DIS3L2: variants seen among roughly 807,000 people sequenced by gnomAD.
The protein encoded by DIS3L2 is DIS3 like 3'-5' exoribonuclease 2, also known as DIS3-like exonuclease 2.
Under a neutral mutation model 97.5 loss-of-function variants are expected in DIS3L2, and 34 were observed. The ratio of observed to expected loss-of-function variants is 0.35; its 90% CI spans 0.27 to 0.46. The LOEUF (loss-of-function observed/expected upper bound fraction) is 0.46. Among genes scored for constraint, DIS3L2 ranks in the 20% least tolerant of loss-of-function variants. The probability of loss-of-function intolerance (pLI) is 1.00; values close to 1 mark genes in which losing one functional copy is unlikely to be tolerated. For synonymous variants in DIS3L2, 435 were observed against 445.2 expected (o/e 0.98, Z 0.29); for missense variants, 1,038 against 1,146.0 (o/e 0.91, Z 1.36).
chr2:232,188,771 TAAGAA>T (rs979370131), intron 9 of DIS3L2, among the ~76,000 whole-genome samples: 23 of 152,168 alleles, frequency 1.5e-4, no homozygotes, highest in Admixed American at 1.0e-3. Flanking sequence ...AAGATGCTGT[TAAGAA>T]AAGAAAAAGA....
At chr2:231,981,601 TATATA>T (rs1559512394) in intron 1 of DIS3L2, among the ~76,000 whole-genome samples, 36 of 69,148 alleles carry the variant, frequency 5.2e-4, no homozygotes, top group Middle Eastern at 6.6e-3. Context: ...AAGTATTTTA[TATATA>T]TATATATATA....
intron 13 of DIS3L2, among the ~76,000 whole-genome samples, chr2:232,342,270 T>TACATATATACACATATATGCATATATAC (rs1442292066): frequency 0.011 from 1,626 of 151,536 alleles, 23 homozygotes; most frequent in Middle Eastern, 0.017. Flanking sequence ...CATACACATA[T>TACATATATACACATATATGCATATATAC]ACATATATAC....
At chr2:232,187,097 A>G (rs888495324) in intron 9 of DIS3L2, among the ~76,000 whole-genome samples, 1 of 152,192 alleles carries the variant, frequency 6.6e-6, no homozygotes, top group Admixed American at 6.5e-5. Flanking sequence ...AAAAAAGACA[A>G]TTTTAAAATG....
intron 10 of DIS3L2, among the ~76,000 whole-genome samples, chr2:232,213,669 T>G (rs1574949734): frequency 6.6e-6 from 1 of 150,472 alleles, no homozygotes; most frequent in Non-Finnish European, 1.5e-5. Context: ...TAGTTTTTTT[T>G]TTTTTTTTTT....
chr2:232,086,265 ACG>A (rs1696587045), intron 5 of DIS3L2, among the ~76,000 whole-genome samples: 1 of 150,988 alleles, frequency 6.6e-6, no homozygotes, highest in African/African-American at 2.4e-5. Flanking sequence ...AGACGTGTAT[ACG>A]TGTATATACA....
chr2:232,083,787 G>A (rs1034945398), intron 5 of DIS3L2, among the ~76,000 whole-genome samples: 4 of 152,208 alleles, frequency 2.6e-5, no homozygotes, highest in Admixed American at 6.5e-5. Flanking sequence ...GAGCCACCAC[G>A]CCAGGCCCAT....
intron 9 of DIS3L2, among the ~76,000 whole-genome samples, chr2:232,189,091 T>G (rs1166977792): frequency 1.3e-5 from 2 of 152,136 alleles, no homozygotes; most frequent in African/African-American, 4.8e-5. Context: ...CAATACCAAG[T>G]GCTGGCGAGG....
At chr2:232,333,185 T>TGTCG (rs1695808095) in intron 16 of DIS3L2, among the ~76,000 whole-genome samples, 3 of 7,552 alleles carry the variant, frequency 4.0e-4, no homozygotes, top group African/African-American at 1.1e-3. Flanking sequence ...CGCCTCCTCC[T>TGTCG]CCTCCTCCTC....
chr2:232,140,838 G>A (rs989110786), intron 8 of DIS3L2, among the ~76,000 whole-genome samples: 1 of 152,154 alleles, frequency 6.6e-6, no homozygotes, highest in Non-Finnish European at 1.5e-5. Context: ...TCTTAGAATT[G>A]TCATGAGAGA....
Position 232,201,582 on chromosome 2 carries a change from G to A in DIS3L2, c.1125-8744G>A, listed in dbSNP as rs563626031. Among the ~76,000 whole-genome samples, 7 of 152,324 alleles carry A rather than the reference G, an allele frequency of 4.6e-5. No individual in the cohort carries two copies. In the South Asian group the frequency reaches 6.2e-4, roughly 14 times the overall value. ...CTTTGATTAGATCCTGGATCAGGAG[G>A]AAAACTAAAAGCAAAAGAGACTTTT... On this transcript the variant is annotated intron_variant, in intron 9 of 20. Transcript: ENST00000325385.
rs557687016 is a variant in DIS3L2, at chr2:232,055,319, C to A, written c.366+25239C>A. Among the ~76,000 whole-genome samples the A allele has an allele frequency of 1.8e-4, 27 of 152,248 alleles. 1 individual carries two copies. In the South Asian group the frequency reaches 5.6e-3, roughly 32 times the overall value. On this transcript the variant is annotated intron_variant, in intron 5 of 20. Coordinates refer to ENST00000325385, the MANE Select transcript of DIS3L2 (RefSeq NM_152383.5). ...CATTTTCAGACTAGTTGATTGTATACATGGAGAATTTAAAAGGCTGCTACA... is the reference window on the plus strand; with the variant it reads ...CATTTTCAGACTAGTTGATTGTATAAATGGAGAATTTAAAAGGCTGCTACA...
At chr2:232,299,988 A>G in intron 13 of DIS3L2, 52 bp from the exon 14 acceptor site, 2 of 1,545,662 alleles carry the variant, frequency 1.3e-6, no homozygotes, top group Non-Finnish European at 8.9e-7. Flanking sequence ...AGCTATTGGA[A>G]TGAATAGAGC....
intron 5 of DIS3L2, among the ~76,000 whole-genome samples, chr2:232,080,900 CA>C (rs34838591): frequency 0.56 from 64,984 of 116,120 alleles, 17,602 homozygotes; most frequent in Non-Finnish European, 0.69. Flanking sequence ...AGCTCTGTCT[CA>C]AAAAAAAAAA....
At chr2:232,343,626 A>G (rs181667841) in exon 14 of DIS3L2, 72 of 1,551,416 alleles carry the variant, frequency 4.6e-5, no homozygotes, top group Non-Finnish European at 6.0e-5. Context: ...ATGGAAAGAA[A>G]GTAAACAGGT....
At chr2:231,968,072 C>T (rs963506402) in intron 1 of DIS3L2, among the ~76,000 whole-genome samples, 1 of 151,714 alleles carries the variant, frequency 6.6e-6, no homozygotes, top group Non-Finnish European at 1.5e-5. Flanking sequence ...ACCCCTGGCT[C>T]CCTGATCCCT....
At chr2:232,311,914 T>C (rs1240621141) in intron 14 of DIS3L2, among the ~76,000 whole-genome samples, 1 of 152,246 alleles carries the variant, frequency 6.6e-6, no homozygotes, top group Non-Finnish European at 1.5e-5. Context: ...TGTGTTGCTT[T>C]TGAGTATATA....
chr2:232,342,070 A>G (rs1237075482), downstream of DIS3L2, among the ~76,000 whole-genome samples: 1 of 151,882 alleles, frequency 6.6e-6, no homozygotes, highest in African/African-American at 2.4e-5. Context: ...TTGTCACACA[A>G]CGATAGATAA....
At chr2:232,217,961 A>G (rs955912602) in intron 10 of DIS3L2, among the ~76,000 whole-genome samples, 3 of 152,362 alleles carry the variant, frequency 2.0e-5, no homozygotes, top group Non-Finnish European at 2.9e-5. Flanking sequence ...AGGCCTGTGC[A>G]GATGCTTCTT....
intron 5 of DIS3L2, among the ~76,000 whole-genome samples, chr2:232,082,976 G>C (rs898857540): frequency 3.9e-5 from 6 of 152,136 alleles, no homozygotes; most frequent in African/African-American, 1.2e-4. Context: ...GCCTACAAAG[G>C]AAGAGGACTT....
Sources: allele counts gnomAD v4.1 joint callset (sites outside exome capture counted in the v4.1 genomes callset), GRCh38; gene constraint gnomAD v4.1.1; transcripts MANE v1.5; gene names NCBI Gene and HGNC (gene_info 2026-07-23, HGNC 2026-07-21).